The following SDK2 variants were observed in gnomAD, a reference collection of about 807,000 sequenced individuals.
SDK2 encodes the protein sidekick cell adhesion molecule 2.
SDK2 carries 105 observed loss-of-function variants against 253.9 expected under a neutral mutation model. The ratio of observed to expected loss-of-function variants is 0.41; its 90% CI spans 0.35 to 0.49. The LOEUF is 0.49. SDK2 is among the 20% of genes least tolerant of loss of function. The pLI is 0.06. For missense variants in SDK2, 2,608 were observed against 3,003.0 expected (o/e 0.87, Z 3.07); for synonymous variants, 1,249 against 1,234.9 (o/e 1.01, Z -0.24).
intron 1 of SDK2, among the ~76,000 whole-genome samples, chr17:73,592,281 C>T (rs951324195): frequency 3.9e-5 from 6 of 152,172 alleles, no homozygotes; most frequent in African/African-American, 1.4e-4. Context: ...CCCATCATGC[C>T]GAAATTAGAG....
At chr17:73,357,946 C>T (rs1377811776) in intron 40 of SDK2, 133 bp downstream of exon 40, 2 of 1,358,018 alleles carry the variant, frequency 1.5e-6, no homozygotes, top group South Asian at 1.2e-5. Flanking sequence ...CTCAACAGGG[C>T]CAGGTGACTT....
In SDK2 at chr17:73,336,226, G is replaced by A. The variant is rs1315098289; in HGVS notation, c.*2361C>T. Reference sequence around the variant, plus strand: ...GAGAGGAAAGAAAAGAAAGCTGTGCGGCACGATCACAGGCCGGCAGCTGCA... The same window carrying A: ...GAGAGGAAAGAAAAGAAAGCTGTGCAGCACGATCACAGGCCGGCAGCTGCA... On this transcript the variant is annotated 3_prime_UTR_variant, in exon 45 of 45. Coordinates refer to ENST00000392650, the MANE Select transcript of SDK2 (RefSeq NM_001144952.2). The A allele has an allele frequency of 6.6e-6, 1 of 151,820 alleles. No individual in the cohort carries two copies. Among genetic ancestry groups the A allele is most frequent in the Non-Finnish European group, 1.5e-5 (1 of 67,946 alleles). 9.4% of individuals were successfully genotyped at this position (151,820 alleles called of 1,614,324 possible).
In SDK2 at chr17:73,534,465, G is replaced by C. The variant is rs144376413; in HGVS notation, c.65-26868C>G. ...CCTCTGAGAGGCCTGGGGGCTATGT[G>C]GGGGAAGGTTCAGGGACAGTGTGGG... On this transcript the variant is annotated intron_variant, in intron 1 of 44. Transcript: ENST00000392650. The surrounding 1 kb of genome is among the most constrained non-coding windows in gnomAD (Gnocchi z 4.9). Among the ~76,000 whole-genome samples, 74 of 152,292 alleles carry C rather than the reference G, an allele frequency of 4.9e-4. No homozygotes were observed. The highest frequency in any genetic ancestry group is 9.4e-4 in the Non-Finnish European group (64 of 68,022).
chr17:73,337,667 A>C lies in SDK2; in HGVS notation c.*920T>G, dbSNP rs1267720341. On this transcript the variant is annotated 3_prime_UTR_variant, in exon 45 of 45. Coordinates refer to ENST00000392650, the MANE Select transcript of SDK2 (RefSeq NM_001144952.2). ...CTGGATTGGAAGAAAGAGAACAGTCAAAGTGTCATTCTTATCTTGCCCACA... is the reference window on the plus strand; with the variant it reads ...CTGGATTGGAAGAAAGAGAACAGTCCAAGTGTCATTCTTATCTTGCCCACA... 1 of 152,342 alleles carries C rather than the reference A, an allele frequency of 6.6e-6. No homozygotes were observed. The highest frequency in any genetic ancestry group is 2.4e-5 in the African/African-American group (1 of 41,460). The allele number at this position is 152,342 out of a possible 1,614,324, so 9.4% of individuals were successfully genotyped here.
At chr17:73,477,897 A>T (rs929542762) in intron 2 of SDK2, among the ~76,000 whole-genome samples, 3 of 152,202 alleles carry the variant, frequency 2.0e-5, no homozygotes, top group Non-Finnish European at 4.4e-5. Context: ...AACGAGGAAG[A>T]GCTGCTGGGT....
At chr17:73,574,662 C>A (rs1481479189) in intron 1 of SDK2, among the ~76,000 whole-genome samples, 1 of 152,176 alleles carries the variant, frequency 6.6e-6, no homozygotes, top group Non-Finnish European at 1.5e-5. Context: ...CCTTCGGAAC[C>A]AAGGCAAGCT....
At chr17:73,634,694 C>T (rs1050365938) in intron 1 of SDK2, among the ~76,000 whole-genome samples, 5 of 152,204 alleles carry the variant, frequency 3.3e-5, no homozygotes, top group East Asian at 1.9e-4. Context: ...CAAAAGCTGT[C>T]GGGGCAGGGG....
At chr17:73,411,932 C>T (rs140943838) in intron 18 of SDK2, among the ~76,000 whole-genome samples, 1,383 of 138,156 alleles carry the variant, frequency 0.01, 27 homozygotes, top group Middle Eastern at 0.038. Flanking sequence ...CCACCATGCC[C>T]AGTTAATTTT....
At chr17:73,393,843 G>A in intron 26 of SDK2, 94 bp from the exon 27 acceptor site, 3 of 985,272 alleles carry the variant, frequency 3.0e-6, no homozygotes, top group Non-Finnish European at 4.3e-6. Context: ...GCAGCTGTGT[G>A]TCACACATCT....
At chr17:73,348,571 G>A (rs1165703258) in intron 44 of SDK2, 28 bp downstream of exon 44, 2 of 1,608,490 alleles carry the variant, frequency 1.2e-6, no homozygotes, top group South Asian at 1.1e-5. Context: ...CCTGCCCCCT[G>A]CAGGACACCT....
chr17:73,582,351 C>T (rs942719366), intron 1 of SDK2, among the ~76,000 whole-genome samples: 7 of 151,770 alleles, frequency 4.6e-5, no homozygotes. Flanking sequence ...GGGGTGCACA[C>T]CATGCAGGCA....
chr17:73,631,473 G>A (rs1453347361), intron 1 of SDK2, among the ~76,000 whole-genome samples: 1 of 152,204 alleles, frequency 6.6e-6, no homozygotes, highest in Admixed American at 6.5e-5. Context: ...TCCATTCTGG[G>A]TTCTGAGTCC....
At chr17:73,546,595 C>T (rs994965509) in intron 1 of SDK2, among the ~76,000 whole-genome samples, 1 of 152,212 alleles carries the variant, frequency 6.6e-6, no homozygotes, top group African/African-American at 2.4e-5. Context: ...CAAGGTCCCT[C>T]TCAGGCCTGC....
rs1218079839 is a variant in SDK2, at chr17:73,374,050, T to A, written c.4980+5127A>T. On this transcript the variant is annotated intron_variant, in intron 36 of 44. Transcript: ENST00000392650. ...TACTAACCCCTGGTCATATGTATGG[T>A]TTGCAAATATTTCTCCCATTCCAGA... 3.4e-5 allele frequency among the ~76,000 whole-genome samples: 5 copies of A among 145,228 alleles called. No homozygotes were observed. In the Admixed American group the frequency reaches 3.5e-4, roughly 10 times the overall value.
intron 2 of SDK2, among the ~76,000 whole-genome samples, chr17:73,479,713 CAG>C (rs1391418836): frequency 2.0e-5 from 3 of 152,062 alleles, no homozygotes; most frequent in African/African-American, 7.2e-5. Flanking sequence ...ATTTTTGAGA[CAG>C]AGTCTCGCTC....
intron 44 of SDK2, among the ~76,000 whole-genome samples, chr17:73,339,213 GT>G (rs11290598): frequency 0.46 from 56,866 of 123,956 alleles, 14,057 homozygotes; most frequent in Non-Finnish European, 0.57. Flanking sequence ...GAAGACCTGA[GT>G]TTTTTTTTGT....
intron 12 of SDK2, among the ~76,000 whole-genome samples, chr17:73,427,712 C>G (rs2063294784): frequency 6.7e-6 from 1 of 148,696 alleles, no homozygotes; most frequent in African/African-American, 2.5e-5. Context: ...AAATTGGATC[C>G]CAGAGCTAAA....
intron 44 of SDK2, among the ~76,000 whole-genome samples, chr17:73,344,049 C>A (rs2062462174): frequency 6.6e-6 from 1 of 152,122 alleles, no homozygotes; most frequent in South Asian, 2.1e-4. Flanking sequence ...GGGGGCCAGC[C>A]AGGGTCTCTC....
intron 9 of SDK2, among the ~76,000 whole-genome samples, chr17:73,434,357 C>T (rs569790836): frequency 6.6e-6 from 1 of 152,360 alleles, no homozygotes; most frequent in Admixed American, 6.5e-5. Flanking sequence ...TGCCCCATCC[C>T]AGCCCTCAAG....
Sources: gnomAD v4.1 joint callset for allele counts (sites outside exome capture counted in the v4.1 genomes callset) on GRCh38, gnomAD v4.1.1 for gene constraint, Gnocchi (gnomAD v3.1) non-coding constraint, MANE v1.5 for transcripts, NCBI Gene and HGNC (gene_info 2026-07-23, HGNC 2026-07-21) for gene names.